CA5B: variants seen among roughly 807,000 people sequenced by gnomAD.
The protein encoded by CA5B is carbonic anhydrase 5B, mitochondrial.
In CA5B, 15 loss-of-function variants were observed where a neutral mutation model predicts 23.1. The ratio of observed to expected loss-of-function variants is 0.65; its 90% CI spans 0.43 to 1.00. The LOEUF (loss-of-function observed/expected upper bound fraction) is 1.00. Among genes scored for constraint, CA5B ranks in the 50% least tolerant of loss-of-function variants. The probability of loss-of-function intolerance (pLI) is 0.00; values close to 1 mark genes in which losing one functional copy is unlikely to be tolerated. For missense variants in CA5B, 236 were observed against 252.2 expected (o/e 0.94, Z 0.43); for synonymous variants, 84 against 98.5 (o/e 0.85, Z 0.87).
Position 15,784,990 on chromosome X carries a change from A to G in CA5B, c.*2326A>G, listed in dbSNP as rs1487760275. ...TAGGGAAATGCAAATCAAAACCACA[A>G]TGAGATATCGTCTCACGCCCATCAT... is the stretch of plus-strand genomic sequence containing the variant. On this transcript the variant is annotated 3_prime_UTR_variant, in exon 8 of 8. Transcript: ENST00000318636. The G allele has an allele frequency of 8.9e-6, 1 of 112,268 alleles. No homozygotes were observed. The highest frequency in any genetic ancestry group is 1.9e-5 in the Non-Finnish European group (1 of 53,288). 9.3% of individuals were successfully genotyped at this position (112,268 alleles called of 1,213,427 possible).
At chrX:15,745,112 T>A (rs1315983078) in intron 1 of CA5B, among the ~76,000 whole-genome samples, 2 of 96,293 alleles carry the variant, frequency 2.1e-5, no homozygotes, top group Non-Finnish European at 4.0e-5. Flanking sequence ...GAGGTTGCAG[T>A]GAGCCGAGAT....
At chrX:15,752,078 C>T (rs1418453385) in intron 2 of CA5B, among the ~76,000 whole-genome samples, 1 of 111,719 alleles carries the variant, frequency 9.0e-6, no homozygotes, top group Non-Finnish European at 1.9e-5. Flanking sequence ...GTCCTGAGAA[C>T]ACATGCCCAA....
chrX:15,750,445 A>C, intron 2 of CA5B: 1 of 225,768 alleles, frequency 4.4e-6, no homozygotes. Flanking sequence ...TAATTTTAGC[A>C]TGTTAAAATG....
intron 3 of CA5B, among the ~76,000 whole-genome samples, chrX:15,769,264 C>G (rs1931772904): frequency 8.9e-6 from 1 of 111,805 alleles, no homozygotes; most frequent in African/African-American, 3.2e-5. Flanking sequence ...ACAACATGAC[C>G]TACCTACCTT....
intron 1 of CA5B, among the ~76,000 whole-genome samples, chrX:15,738,881 C>T (rs1931063324): frequency 9.0e-6 from 1 of 111,526 alleles, no homozygotes; most frequent in Non-Finnish European, 1.9e-5. Flanking sequence ...AGACTCACAG[C>T]CACTCACCCC....
chrX:15,771,864 A>T (rs774105069), intron 3 of CA5B, among the ~76,000 whole-genome samples: 1 of 105,084 alleles, frequency 9.5e-6, no homozygotes, highest in African/African-American at 3.4e-5. Flanking sequence ...CATGCTTACC[A>T]TTTTTTTTTT....
At chrX:15,766,858 G>T in intron 3 of CA5B, 1 of 318,953 alleles carries the variant, frequency 3.1e-6, no homozygotes, top group South Asian at 2.8e-5. Flanking sequence ...GTGAAGTCTG[G>T]GCTTTTATTA....
intron 2 of CA5B, among the ~76,000 whole-genome samples, chrX:15,756,392 C>T (rs972255124): frequency 1.8e-5 from 2 of 112,416 alleles, no homozygotes; most frequent in Non-Finnish European, 3.8e-5. Context: ...AGGACACAGA[C>T]CTCATGGGCT....
At chrX:15,777,522 C>T (rs1327357970) in intron 7 of CA5B, among the ~76,000 whole-genome samples, 1 of 110,884 alleles carries the variant, frequency 9.0e-6, no homozygotes, top group Non-Finnish European at 1.9e-5. Flanking sequence ...CCAACACTCA[C>T]CAAAGATTGG....
rs1195495622 is a variant in CA5B at position 15,756,365 on chromosome X, G to A, written c.142+6200G>A. ...GCCTTGTACCAAGTAAAGCCCTGGA[G>A]ACTATAGAAAAAGTGGAGGACACAG... On this transcript the variant is annotated intron_variant, in intron 2 of 7. Transcript: ENST00000318636. Among the ~76,000 whole-genome samples the A allele has an allele frequency of 3.6e-5, 4 of 112,405 alleles. No individual in the cohort carries two copies. The East Asian group carries it at 1.1e-3, about 31-fold the overall frequency.
chrX:15,751,765 A>G (rs761175521), intron 2 of CA5B, among the ~76,000 whole-genome samples: 1 of 110,960 alleles, frequency 9.0e-6, no homozygotes, highest in South Asian at 3.8e-4. Context: ...AGCATATTAT[A>G]CTGTTCCAAC....
chrX:15,762,698 C>A, intron 2 of CA5B: 1 of 315,233 alleles, frequency 3.2e-6, no homozygotes, highest in South Asian at 3.0e-5. Context: ...AGCCACCATG[C>A]CCAGCCAGTG....
intron 2 of CA5B, among the ~76,000 whole-genome samples, chrX:15,752,666 A>G (rs960739167): frequency 1.8e-5 from 2 of 109,994 alleles, no homozygotes; most frequent in Non-Finnish European, 3.8e-5. Flanking sequence ...CGGAGCTTGC[A>G]GTGAGCCGAG....
chrX:15,749,072 A>G (rs756061795), intron 1 of CA5B, among the ~76,000 whole-genome samples: 1 of 111,952 alleles, frequency 8.9e-6, no homozygotes, highest in Admixed American at 9.5e-5. Flanking sequence ...TGTCCTGAAC[A>G]TCTGTTTGAA....
intron 3 of CA5B, among the ~76,000 whole-genome samples, chrX:15,771,258 CT>C (rs1365996456): frequency 1.0e-5 from 1 of 98,588 alleles, no homozygotes; most frequent in East Asian, 3.5e-4. Flanking sequence ...GTAGTCCCAA[CT>C]ACTCAGGAGA....
rs1280814600 is a variant in CA5B at position 15,784,532 on chromosome X, T to A, written c.*1868T>A. ...GCTCTTGCTTATAAATATCTTGGAA[T>A]GTTTCTGAATGCCTCTAAGCCTATG... On this transcript the variant is annotated 3_prime_UTR_variant, in exon 8 of 8. Transcript: ENST00000318636. 1 of 112,445 alleles carries A rather than the reference T, an allele frequency of 8.9e-6. No homozygotes were observed. Among genetic ancestry groups the A allele is most frequent in the Non-Finnish European group, 1.9e-5 (1 of 53,345 alleles). The allele number at this position is 112,445 out of a possible 1,213,427, so 9.3% of individuals were successfully genotyped here.
At chrX:15,761,991 G>A (rs755443129) in intron 2 of CA5B, among the ~76,000 whole-genome samples, 162 of 112,188 alleles carry the variant, frequency 1.4e-3, no homozygotes, top group African/African-American at 5.1e-3. Context: ...CTTACGGTCA[G>A]GCGCAGTGGT....
chrX:15,775,892 C>T (rs954295005), intron 6 of CA5B: 4 of 748,605 alleles, frequency 5.3e-6, no homozygotes, highest in Admixed American at 9.2e-5. Context: ...CTCCCCCCAT[C>T]CCCCACTCTG....
chrX:15,765,854 A>G (rs761014371), intron 3 of CA5B, among the ~76,000 whole-genome samples: 1 of 110,851 alleles, frequency 9.0e-6, no homozygotes, highest in African/African-American at 3.3e-5. Flanking sequence ...TTAGGAAATG[A>G]GTCCATAAAA....
Sources: allele counts gnomAD v4.1 joint callset (sites outside exome capture counted in the v4.1 genomes callset), GRCh38; gene constraint gnomAD v4.1.1; transcripts MANE v1.5; gene names NCBI Gene and HGNC (gene_info 2026-07-23, HGNC 2026-07-21).